SDCCAG8: variants seen among roughly 807,000 people sequenced by gnomAD.
SDCCAG8 encodes the protein SHH signaling and ciliogenesis regulator SDCCAG8, also known as serologically defined colon cancer antigen 8.
SDCCAG8 carries 74 observed loss-of-function variants against 101.8 expected under a neutral mutation model. That is an observed-to-expected ratio of 0.73 (90% CI 0.60 to 0.88). The LOEUF is 0.88. SDCCAG8 is among the 40% of genes least tolerant of loss of function. The pLI, the probability that SDCCAG8 is intolerant of heterozygous loss-of-function variation, is 0.00. For synonymous variants in SDCCAG8, 281 were observed against 292.9 expected, an observed-to-expected ratio of 0.96 and a Z score of 0.41; for missense variants, 787 against 822.6, an observed-to-expected ratio of 0.96 and a Z score of 0.53.
At chr1:243,262,143 T>C (rs1211805884) in intron 1 of SDCCAG8, among the ~76,000 whole-genome samples, 2 of 143,400 alleles carry the variant, frequency 1.4e-5, no homozygotes, top group Non-Finnish European at 3.1e-5. Flanking sequence ...GTCTTATTCT[T>C]TTGCCCAGGC....
intron 16 of SDCCAG8, among the ~76,000 whole-genome samples, chr1:243,443,776 G>A (rs1236493813): frequency 2.6e-5 from 4 of 152,072 alleles, no homozygotes; most frequent in East Asian, 1.9e-4. Flanking sequence ...AATAGAAACC[G>A]GATGTTTAAA....
intron 16 of SDCCAG8, among the ~76,000 whole-genome samples, chr1:243,480,974 A>C (rs1663630809): frequency 6.6e-6 from 1 of 151,574 alleles, no homozygotes; most frequent in Non-Finnish European, 1.5e-5. Context: ...AGCTGTGGGG[A>C]TGGTGACTAG....
At chr1:243,445,972 A>G (rs1282391692) in intron 16 of SDCCAG8, among the ~76,000 whole-genome samples, 1 of 152,242 alleles carries the variant, frequency 6.6e-6, no homozygotes, top group Non-Finnish European at 1.5e-5. Context: ...AGGCTTGGGA[A>G]GAAACATGGC....
At chr1:243,279,723 C>T (rs958819934) in intron 4 of SDCCAG8, among the ~76,000 whole-genome samples, 1 of 152,124 alleles carries the variant, frequency 6.6e-6, no homozygotes, top group Non-Finnish European at 1.5e-5. Flanking sequence ...CCTCAAATGT[C>T]GAACCAATGT....
chr1:243,462,942 C>T (rs1659428190), intron 16 of SDCCAG8, among the ~76,000 whole-genome samples: 1 of 152,292 alleles, frequency 6.6e-6, no homozygotes, highest in Admixed American at 6.5e-5. Context: ...CTCTCTGCTT[C>T]CACCAAAGGT....
At position 243,499,736 on chromosome 1, in the gene SDCCAG8, C is replaced by T. The variant is rs753870692; in HGVS notation, c.2113-20C>T. 15 of 1,601,402 alleles carry T rather than the reference C, an allele frequency of 9.4e-6. No homozygotes were observed. Among genetic ancestry groups the T allele is most frequent in the Non-Finnish European group, 1.2e-5 (14 of 1,168,684 alleles). Reference sequence around the variant, plus strand: ...GAAGAACATGAGCTATTGAAACTTACTTTTTATTATTTTTTCCAGTTACCC... The same window carrying T: ...GAAGAACATGAGCTATTGAAACTTATTTTTTATTATTTTTTCCAGTTACCC... On this transcript the variant is annotated intron_variant, in intron 17 of 17. Transcript: ENST00000366541.
intron 12 of SDCCAG8, among the ~76,000 whole-genome samples, chr1:243,359,486 G>A (rs2076573513): frequency 6.6e-6 from 1 of 152,122 alleles, no homozygotes; most frequent in African/African-American, 2.4e-5. Context: ...TCATATTTTA[G>A]CCCAGTCTGG....
At chr1:243,344,733 A>G (rs917072837) in intron 12 of SDCCAG8, among the ~76,000 whole-genome samples, 5 of 152,214 alleles carry the variant, frequency 3.3e-5, no homozygotes, top group Non-Finnish European at 7.4e-5. Flanking sequence ...TTGATATGTA[A>G]ATATGTCAAT....
intron 1 of SDCCAG8, among the ~76,000 whole-genome samples, chr1:243,263,236 G>A (rs969021749): frequency 2.0e-5 from 3 of 151,772 alleles, no homozygotes; most frequent in Non-Finnish European, 4.4e-5. Context: ...TTTTTTTATT[G>A]TCACAATTGG....
At chr1:243,482,505 G>A (rs1663943131) in intron 16 of SDCCAG8, among the ~76,000 whole-genome samples, 1 of 152,208 alleles carries the variant, frequency 6.6e-6, no homozygotes, top group African/African-American at 2.4e-5. Flanking sequence ...CCTGCATGGG[G>A]CAGCTGCTTT....
At chr1:243,492,506 G>A (rs1666747091) in intron 17 of SDCCAG8, among the ~76,000 whole-genome samples, 2 of 150,376 alleles carry the variant, frequency 1.3e-5, no homozygotes, top group Non-Finnish European at 2.9e-5. Context: ...GTTTCGCCAT[G>A]TTGGCCAGGC....
intron 12 of SDCCAG8, among the ~76,000 whole-genome samples, chr1:243,369,414 G>GCATT (rs1163642907): frequency 6.6e-6 from 1 of 152,088 alleles, no homozygotes; most frequent in African/African-American, 2.4e-5. Flanking sequence ...TCACTCCAAG[G>GCATT]CATTCACTCA....
chr1:243,312,706 C>CAA lies in SDCCAG8; in HGVS notation c.930-4031_930-4030dup, dbSNP rs34803859. 3.1e-3 allele frequency among the ~76,000 whole-genome samples: 307 copies of CAA among 99,110 alleles called. 2 individuals carry two copies. Among genetic ancestry groups the CAA allele is most frequent in the East Asian group, 6.0e-3 (19 of 3,156 alleles). The allele number at this position is 99,110 out of a possible 152,430, so 65.0% of individuals were successfully genotyped here. On this transcript the variant is annotated intron_variant, in intron 8 of 17. Transcript: ENST00000366541. ...GGGCAACAGAGGAAGAACCTGTCTC[C>CAA]AAAAAAAAAAAAAAAAAAATAATGG...
chr1:243,305,047 C>T (rs1469054092), intron 7 of SDCCAG8: 1 of 378,874 alleles, frequency 2.6e-6, no homozygotes. Context: ...TGGCTCACGC[C>T]TGTAATCCCA....
rs750272621 is a variant in SDCCAG8, at chr1:243,316,779, A to T, written c.954A>T (p.Ala318=). Reference sequence around the variant, plus strand: ...GAGAAAGAGATGACTTGATGTCTGCACTAGTTTCCGTAAGGAGCAGCTTGG... The same window carrying T: ...GAGAAAGAGATGACTTGATGTCTGCTCTAGTTTCCGTAAGGAGCAGCTTGG... ...LVKERDDLMS[A]LVSVRSSLAD... is the part of the protein sequence containing the mutation. Residue 318 remains alanine (A), a synonymous_variant, in exon 9 of 18, where the codon GCA becomes GCT. Coordinates refer to ENST00000366541, the MANE Select transcript of SDCCAG8 (RefSeq NM_006642.5). The T allele has an allele frequency of 1.9e-6, 3 of 1,614,220 alleles. No homozygotes were observed. In the South Asian group the frequency reaches 3.3e-5, roughly 18 times the overall value.
chr1:243,350,506 C>G (rs1349860367), intron 12 of SDCCAG8, among the ~76,000 whole-genome samples: 3 of 152,182 alleles, frequency 2.0e-5, no homozygotes, highest in Non-Finnish European at 2.9e-5. Context: ...ACGTGAGCCA[C>G]TGCGCCCGGC....
intron 4 of SDCCAG8, among the ~76,000 whole-genome samples, chr1:243,283,532 C>A (rs531043410): frequency 7.5e-4 from 113 of 151,358 alleles, no homozygotes; most frequent in Middle Eastern, 3.4e-3. Context: ...TTCTTATTGA[C>A]AATTCTTAAA....
chr1:243,322,951 G>A (rs914806477), intron 9 of SDCCAG8, among the ~76,000 whole-genome samples: 1 of 151,856 alleles, frequency 6.6e-6, no homozygotes, highest in Non-Finnish European at 1.5e-5. Context: ...CCTGGCCAAT[G>A]TGGTGAGACC....
chr1:243,284,715 G>T (rs1202838077), intron 4 of SDCCAG8, among the ~76,000 whole-genome samples: 1 of 152,168 alleles, frequency 6.6e-6, no homozygotes. Context: ...CTTGAGGCAG[G>T]CCTGTTACAA....
Sources: gnomAD v4.1 joint callset for allele counts (sites outside exome capture counted in the v4.1 genomes callset) on GRCh38, gnomAD v4.1.1 for gene constraint, MANE v1.5 for transcripts, NCBI Gene and HGNC (gene_info 2026-07-23, HGNC 2026-07-21) for gene names.